DUSP11: variants seen among roughly 807,000 people sequenced by gnomAD.
DUSP11 encodes RNA/RNP complex-1-interacting phosphatase.
In DUSP11, 27 loss-of-function variants were observed where a neutral mutation model predicts 41.4. The observed-to-expected ratio is 0.65, with a 90% CI of 0.48 to 0.90. The LOEUF is 0.90. DUSP11 is among the 40% of genes least tolerant of loss of function. The pLI is 0.00. For synonymous variants in DUSP11, 188 were observed against 159.3 expected, an observed-to-expected ratio of 1.18 and a Z score of -1.35; for missense variants, 465 against 461.1, an observed-to-expected ratio of 1.01 and a Z score of -0.08.
chr2:73,766,463 G>C, exon 8 of DUSP11: 6 of 1,613,910 alleles, frequency 3.7e-6, no homozygotes, highest in Non-Finnish European at 5.1e-6. Context: ...GAAATGTCGA[G>C]GAGCTGAGTG....
At chr2:73,772,949 C>T (rs1672614992) in intron 4 of DUSP11, among the ~76,000 whole-genome samples, 1 of 152,140 alleles carries the variant, frequency 6.6e-6, no homozygotes, top group Non-Finnish European at 1.5e-5. Context: ...ACAAAGTGTA[C>T]ACTCCTCAAG....
exon 1 of DUSP11, chr2:73,780,009 T>C (rs2272051): frequency 0.65 from 1,048,947 of 1,613,888 alleles, 343,146 homozygotes; most frequent in East Asian, 0.69. Context: ...CAATGCCAAG[T>C]CGGCCAAAAG....
At chr2:73,771,230 G>A (rs1402709550) in intron 4 of DUSP11, among the ~76,000 whole-genome samples, 6 of 152,166 alleles carry the variant, frequency 3.9e-5, no homozygotes, top group African/African-American at 9.7e-5. Flanking sequence ...CTTCAACATA[G>A]GTTATATAAT....
intron 5 of DUSP11, 127 bp downstream of exon 5, chr2:73,769,138 G>A: frequency 1.4e-6 from 1 of 692,128 alleles, no homozygotes. Flanking sequence ...TAATCTCTGG[G>A]TGGGGAGCAA....
At chr2:73,766,896 A>G (rs1369050871) in exon 7 of DUSP11, 1 of 1,612,472 alleles carries the variant, frequency 6.2e-7, no homozygotes, top group East Asian at 2.2e-5. Flanking sequence ...CCCGGCACCT[A>G]TTGAATACTG....
intron 4 of DUSP11, among the ~76,000 whole-genome samples, chr2:73,770,919 G>A (rs1432647636): frequency 6.6e-6 from 1 of 152,082 alleles, no homozygotes; most frequent in Non-Finnish European, 1.5e-5. Flanking sequence ...AACATGCCTA[G>A]CATAGTCATG....
intron 3 of DUSP11, among the ~76,000 whole-genome samples, chr2:73,774,141 T>G (rs1672636209): frequency 6.6e-6 from 1 of 152,202 alleles, no homozygotes; most frequent in South Asian, 2.1e-4. Flanking sequence ...AGATAGTCAC[T>G]AGGTATACAA....
At chr2:73,773,436 T>G (rs1391159813) in intron 4 of DUSP11, 1 of 362,014 alleles carries the variant, frequency 2.8e-6, no homozygotes, top group African/African-American at 2.2e-5. Context: ...TTGCCCTTTC[T>G]TGTCTCTTTC....
At chr2:73,774,740 T>A (rs1410117691) in intron 3 of DUSP11, among the ~76,000 whole-genome samples, 173 bp downstream of exon 3, 1 of 152,230 alleles carries the variant, frequency 6.6e-6, no homozygotes, top group Non-Finnish European at 1.5e-5. Flanking sequence ...AATATTCCAT[T>A]TAAGACAGCA....
chr2:73,778,087 T>C (rs1001505350), intron 2 of DUSP11, among the ~76,000 whole-genome samples: 5 of 151,904 alleles, frequency 3.3e-5, no homozygotes, highest in African/African-American at 1.2e-4. Context: ...ACTTTTATTT[T>C]ATTTTTTATA....
chr2:73,779,738 GT>G (rs1453379109), intron 1 of DUSP11, 135 bp downstream of exon 1: 14 of 1,376,802 alleles, frequency 1.0e-5, no homozygotes, highest in Non-Finnish European at 1.3e-5. Context: ...GGCGCAGAGG[GT>G]CAAAGCCTCA....
chr2:73,776,777 G>A (rs563376903), intron 2 of DUSP11, among the ~76,000 whole-genome samples: 3 of 152,282 alleles, frequency 2.0e-5, no homozygotes, highest in African/African-American at 7.2e-5. Flanking sequence ...TTTATTAGAT[G>A]TAACCATCTA....
chr2:73,779,355 C>T (rs1672748469), intron 1 of DUSP11: 1 of 165,682 alleles, frequency 6.0e-6, no homozygotes, highest in South Asian at 1.4e-4. Context: ...TTCAATGCAC[C>T]TACGTGCAAA....
chr2:73,766,982 A>C (rs1261843805), intron 6 of DUSP11, 79 bp from the exon 7 acceptor site: 1 of 1,365,740 alleles, frequency 7.3e-7, no homozygotes, highest in Non-Finnish European at 1.0e-6. Flanking sequence ...GCTGAAATTC[A>C]CTATTCAAGC....
At chr2:73,767,026 G>C in intron 6 of DUSP11, 123 bp from the exon 7 acceptor site, 1 of 1,227,112 alleles carries the variant, frequency 8.1e-7, no homozygotes, top group Non-Finnish European at 1.2e-6. Context: ...TACATCTATA[G>C]ACTTTTGGCA....
At chr2:73,775,559 T>A (rs75034072) in intron 2 of DUSP11, among the ~76,000 whole-genome samples, 2 of 125,894 alleles carry the variant, frequency 1.6e-5, no homozygotes, top group African/African-American at 2.7e-5. Flanking sequence ...TTTTTTTTTT[T>A]AAAGAGATAG....
At chr2:73,762,901 A>C in intron 8 of DUSP11, 42 bp from the exon 9 acceptor site, 1 of 852,628 alleles carries the variant, frequency 1.2e-6, no homozygotes, top group Non-Finnish European at 1.7e-6. Flanking sequence ...ACTAGGATTA[A>C]TACAATAATT....
At chr2:73,771,348 T>A (rs1014880613) in intron 4 of DUSP11, among the ~76,000 whole-genome samples, 10 of 152,194 alleles carry the variant, frequency 6.6e-5, no homozygotes, top group Non-Finnish European at 1.3e-4. Context: ...TTGTGCCTAA[T>A]CCCCAAAACT....
At chr2:73,773,895 T>C in exon 4 of DUSP11, 2 of 1,604,294 alleles carry the variant, frequency 1.2e-6, no homozygotes, top group Non-Finnish European at 1.7e-6. Flanking sequence ...TGTAAAAATT[T>C]TTAAGTAAGG....
Sources: allele counts gnomAD v4.1 joint callset (sites outside exome capture counted in the v4.1 genomes callset), GRCh38; gene constraint gnomAD v4.1.1; transcripts MANE v1.5; gene names NCBI Gene and HGNC (gene_info 2026-07-23, HGNC 2026-07-21).